OR9Q1: variants seen among roughly 807,000 people sequenced by gnomAD.
OR9Q1 encodes olfactory receptor 9Q1.
For synonymous variants in OR9Q1, 153 were observed against 148.6 expected, an observed-to-expected ratio of 1.03 and a Z score of -0.22; for missense variants, 374 against 378.8, an observed-to-expected ratio of 0.99 and a Z score of 0.11.
intron 1 of OR9Q1, among the ~76,000 whole-genome samples, chr11:58,028,612 A>ATCAT (rs1852998304): frequency 1.3e-5 from 2 of 152,132 alleles, no homozygotes; most frequent in Admixed American, 1.3e-4. Flanking sequence ...GGGAAGGGTG[A>ATCAT]TCATTGTTTG....
intron 2 of OR9Q1, among the ~76,000 whole-genome samples, chr11:58,175,087 C>A (rs1854591348): frequency 9.7e-6 from 1 of 103,576 alleles, no homozygotes. Context: ...GCCTGGGCGA[C>A]AGAGTGAGAC....
Position 58,031,106 on chromosome 11 carries a change from G to T in OR9Q1, c.-93+7002G>T, listed in dbSNP as rs770126228. The stretch of plus-strand genomic sequence containing the variant: ...GAATTTGGCCATCATTTTAGTGGTG[G>T]GTTTGGACCACCGACTACGGAGACC... On this transcript the variant is annotated intron_variant, in intron 1 of 2. Transcript: ENST00000335397. 6.2e-6 allele frequency: 10 copies of T among 1,614,044 alleles called. No homozygotes were observed. The Admixed American group carries it at 1.5e-4, about 24-fold the overall frequency.
chr11:58,112,292 C>CAAAAAAAAAAAAAAAAAAAAAA (rs761960271), intron 2 of OR9Q1, among the ~76,000 whole-genome samples: 1 of 111,714 alleles, frequency 9.0e-6, no homozygotes, highest in African/African-American at 2.9e-5. Context: ...GACTTCGTCT[C>CAAAAAAAAAAAAAAAAAAAAAA]AAAGAAAAAA....
intron 2 of OR9Q1, among the ~76,000 whole-genome samples, chr11:58,079,671 A>G (rs1853570846): frequency 6.6e-6 from 1 of 152,136 alleles, no homozygotes; most frequent in African/African-American, 2.4e-5. Flanking sequence ...AATCATGAGA[A>G]TGCCATGTGA....
chr11:58,040,658 C>T (rs1853152781), intron 1 of OR9Q1: 1 of 152,176 alleles, frequency 6.6e-6, no homozygotes, highest in African/African-American at 2.4e-5. Context: ...ATAGAAGCAG[C>T]TCAGGGACAG....
chr11:58,119,442 C>T (rs1854002881), intron 2 of OR9Q1: 2 of 1,589,842 alleles, frequency 1.3e-6, no homozygotes, highest in South Asian at 1.1e-5. Flanking sequence ...TATTCTTGGC[C>T]ATGGAGACAA....
At chr11:58,027,040 C>T (rs972575978) in intron 1 of OR9Q1, among the ~76,000 whole-genome samples, 8 of 152,254 alleles carry the variant, frequency 5.3e-5, no homozygotes, top group South Asian at 2.1e-4. Context: ...TTTCTAGAAT[C>T]ATTCAGTTTA....
At chr11:58,075,658 A>G (rs1853532477) in intron 2 of OR9Q1, among the ~76,000 whole-genome samples, 1 of 152,246 alleles carries the variant, frequency 6.6e-6, no homozygotes, top group Admixed American at 6.5e-5. Flanking sequence ...TTCACCAGAC[A>G]TGGAATCTGC....
At chr11:58,092,491 T>C (rs1853694030) in intron 2 of OR9Q1, among the ~76,000 whole-genome samples, 1 of 152,130 alleles carries the variant, frequency 6.6e-6, no homozygotes, top group Non-Finnish European at 1.5e-5. Context: ...AAATGATTGT[T>C]GCTATCAACT....
At chr11:58,158,472 G>A (rs370583803) in intron 2 of OR9Q1, among the ~76,000 whole-genome samples, 2 of 142,652 alleles carry the variant, frequency 1.4e-5, no homozygotes, top group African/African-American at 5.2e-5. Flanking sequence ...AGTTTTAAAA[G>A]AAGTGGGCTA....
intron 2 of OR9Q1, among the ~76,000 whole-genome samples, chr11:58,143,207 C>A (rs1159074186): frequency 6.6e-6 from 1 of 152,124 alleles, no homozygotes; most frequent in Non-Finnish European, 1.5e-5. Flanking sequence ...TGTGTCAGAC[C>A]ATGTGCAACA....
chr11:58,090,136 A>C (rs1399778766), intron 2 of OR9Q1, among the ~76,000 whole-genome samples: 1 of 152,024 alleles, frequency 6.6e-6, no homozygotes, highest in African/African-American at 2.4e-5. Context: ...AATACCCCTT[A>C]TTTCTTTCTC....
intron 2 of OR9Q1, among the ~76,000 whole-genome samples, chr11:58,082,741 TATA>T (rs200062407): frequency 0.4 from 50,188 of 125,048 alleles, 10,275 homozygotes; most frequent in Middle Eastern, 0.51. Context: ...AAACTTAAAG[TATA>T]ATAATAATAA....
At chr11:58,154,164 GGAGGAGAAGGAGGAGGGGAAGGA>G (rs1854382511) in intron 2 of OR9Q1, among the ~76,000 whole-genome samples, 1 of 58,600 alleles carries the variant, frequency 1.7e-5, no homozygotes, top group African/African-American at 5.3e-5. Context: ...AGGAGAAGGA[GGAGGAGAAGGAGGAGGGGAAGGA>G]GGAGGAGAAG....
At chr11:58,178,061 G>A (rs759164504) in intron 2 of OR9Q1, among the ~76,000 whole-genome samples, 7 of 152,274 alleles carry the variant, frequency 4.6e-5, no homozygotes, top group Non-Finnish European at 8.8e-5. Context: ...AATTCAATAC[G>A]TCTGGAGAGA....
chr11:58,169,947 G>A (rs1204675470), intron 2 of OR9Q1, among the ~76,000 whole-genome samples: 1 of 151,664 alleles, frequency 6.6e-6, no homozygotes, highest in East Asian at 1.9e-4. Context: ...CATACAGTCT[G>A]CATTCTCTTT....
chr11:58,171,646 C>T (rs947251209), intron 2 of OR9Q1: 1 of 151,960 alleles, frequency 6.6e-6, no homozygotes, highest in Non-Finnish European at 1.5e-5. Flanking sequence ...CCAGGCTGAC[C>T]ATTCCAATTT....
At chr11:58,149,168 T>C (rs1276286030) in intron 2 of OR9Q1, among the ~76,000 whole-genome samples, 2 of 152,194 alleles carry the variant, frequency 1.3e-5, no homozygotes, top group Non-Finnish European at 1.5e-5. Context: ...CTAAATATGC[T>C]TCTTTGGGTA....
chr11:58,066,393 C>G (rs922547871), intron 2 of OR9Q1, among the ~76,000 whole-genome samples: 2 of 152,026 alleles, frequency 1.3e-5, no homozygotes, highest in African/African-American at 4.8e-5. Flanking sequence ...TCTCTGTGGG[C>G]CTTTGGCTGG....
Sources: allele counts gnomAD v4.1 joint callset (sites outside exome capture counted in the v4.1 genomes callset), GRCh38; gene constraint gnomAD v4.1.1; transcripts MANE v1.5; gene names NCBI Gene and HGNC (gene_info 2026-07-23, HGNC 2026-07-21).